RALGPS2: variants seen among roughly 807,000 people sequenced by gnomAD.
The protein encoded by RALGPS2 is Ral GEF with PH domain and SH3 binding motif 2.
In RALGPS2, 43 loss-of-function variants were observed where a neutral mutation model predicts 86.8. The observed-to-expected ratio is 0.50, with a 90% CI of 0.39 to 0.64. The LOEUF is 0.64. Ranked by LOEUF, RALGPS2 falls within the 30% of genes least tolerant of loss-of-function variation. The pLI is 0.00. For missense variants in RALGPS2, 536 were observed against 694.6 expected (o/e 0.77, Z 2.57); for synonymous variants, 243 against 231.3 (o/e 1.05, Z -0.46).
Position 178,921,343 on chromosome 1 carries a change from G to A in RALGPS2, c.*4984G>A, listed in dbSNP as rs1647296757. 6.6e-6 allele frequency: 1 copy of A among 151,850 alleles called. No homozygotes were observed. Among genetic ancestry groups the A allele is most frequent in the Admixed American group, 6.6e-5 (1 of 15,248 alleles). The allele number at this position is 151,850 out of a possible 1,614,324, so 9.4% of individuals were successfully genotyped here. ...CTTTAGATACCAGATAACAAATATT[G>A]TTTCCCCTGAAGATATGACCTACTA... On this transcript the variant is annotated 3_prime_UTR_variant, in exon 20 of 20. Coordinates refer to ENST00000367635, the MANE Select transcript of RALGPS2 (RefSeq NM_152663.5).
chr1:178,811,066 ATT>A (rs570312996), intron 5 of RALGPS2, among the ~76,000 whole-genome samples: 2 of 151,948 alleles, frequency 1.3e-5, no homozygotes, highest in African/African-American at 4.8e-5. Flanking sequence ...TTAGATATAT[ATT>A]TTTTTCTTTT....
At chr1:178,843,582 A>T (rs1361008325) in intron 8 of RALGPS2, among the ~76,000 whole-genome samples, 1 of 151,478 alleles carries the variant, frequency 6.6e-6, no homozygotes, top group Non-Finnish European at 1.5e-5. Context: ...GCAGTGCACC[A>T]ACATGGCGCA....
chr1:178,852,648 T>C (rs544426338), intron 8 of RALGPS2: 3 of 1,584,818 alleles, frequency 1.9e-6, no homozygotes, highest in Non-Finnish European at 2.6e-6. Context: ...TAGAAGGTGA[T>C]GATTCTACAA....
intron 15 of RALGPS2, 40 bp downstream of exon 15, chr1:178,892,347 A>G (rs768973216): frequency 3.2e-6 from 5 of 1,559,142 alleles, no homozygotes; most frequent in Non-Finnish European, 4.4e-6. Flanking sequence ...GAACTCCCTT[A>G]TGGTGTTGGT....
intron 4 of RALGPS2, among the ~76,000 whole-genome samples, chr1:178,807,218 C>G (rs963592229): frequency 6.6e-6 from 1 of 152,026 alleles, no homozygotes; most frequent in Non-Finnish European, 1.5e-5. Context: ...CACCTGTAGC[C>G]CCAGCTACTT....
intron 17 of RALGPS2, among the ~76,000 whole-genome samples, 193 bp downstream of exon 17, chr1:178,897,949 C>T (rs949389637): frequency 8.6e-5 from 13 of 151,952 alleles, no homozygotes; most frequent in Admixed American, 6.6e-4. Context: ...CTGCACATTA[C>T]GCTTATCTAT....
At chr1:178,763,934 A>G (rs904981381) in intron 1 of RALGPS2, among the ~76,000 whole-genome samples, 2 of 151,808 alleles carry the variant, frequency 1.3e-5, no homozygotes, top group Admixed American at 6.6e-5. Flanking sequence ...ATTTTAAAGT[A>G]TGTGCCTTGT....
intron 8 of RALGPS2, among the ~76,000 whole-genome samples, chr1:178,867,979 G>A (rs191006355): frequency 7.2e-4 from 109 of 152,012 alleles, no homozygotes; most frequent in Middle Eastern, 3.4e-3. Flanking sequence ...AAATATAGAT[G>A]GAGTATGGAG....
intron 16 of RALGPS2, among the ~76,000 whole-genome samples, chr1:178,896,245 C>A (rs924475278): frequency 1.3e-5 from 2 of 151,920 alleles, no homozygotes; most frequent in Non-Finnish European, 2.9e-5. Flanking sequence ...ATGGGCAAAA[C>A]AGAAGAAGTA....
chr1:178,834,548 G>T (rs1223574255), intron 8 of RALGPS2, among the ~76,000 whole-genome samples: 2 of 152,166 alleles, frequency 1.3e-5, no homozygotes, highest in African/African-American at 4.8e-5. Context: ...CCCTAGGATT[G>T]CAGAGAATGG....
At chr1:178,905,727 A>C (rs1380473234) in intron 18 of RALGPS2, among the ~76,000 whole-genome samples, 1 of 152,236 alleles carries the variant, frequency 6.6e-6, no homozygotes, top group African/African-American at 2.4e-5. Context: ...CCTATAGTAC[A>C]TGGATCCTTT....
At chr1:178,761,587 G>C (rs2102065786) in intron 1 of RALGPS2, among the ~76,000 whole-genome samples, 1 of 152,042 alleles carries the variant, frequency 6.6e-6, no homozygotes, top group African/African-American at 2.4e-5. Flanking sequence ...TTTAGGCAGA[G>C]TCTCACTCTT....
intron 1 of RALGPS2, among the ~76,000 whole-genome samples, chr1:178,770,800 T>C (rs1180197560): frequency 2.7e-5 from 4 of 150,110 alleles, no homozygotes; most frequent in Non-Finnish European, 5.9e-5. Flanking sequence ...TTAGTACTTC[T>C]GCGTTTCTTA....
chr1:178,752,424 A>G (rs1438436008), intron 1 of RALGPS2, among the ~76,000 whole-genome samples: 2 of 150,930 alleles, frequency 1.3e-5, no homozygotes, highest in African/African-American at 4.9e-5. Context: ...TCCCTCTCCC[A>G]AAGTGGTGAG....
chr1:178,794,559 G>C (rs1654102502), intron 4 of RALGPS2, among the ~76,000 whole-genome samples: 1 of 151,986 alleles, frequency 6.6e-6, no homozygotes, highest in Non-Finnish European at 1.5e-5. Flanking sequence ...TTAGATTTTT[G>C]TCTATTATAA....
At chr1:178,793,730 A>G (rs1413695675) in intron 4 of RALGPS2, among the ~76,000 whole-genome samples, 2 of 152,286 alleles carry the variant, frequency 1.3e-5, no homozygotes, top group East Asian at 1.9e-4. Context: ...ATAAATGACC[A>G]TTTCAAAACT....
intron 1 of RALGPS2, among the ~76,000 whole-genome samples, chr1:178,772,591 T>C (rs1652861642): frequency 6.6e-6 from 1 of 152,204 alleles, no homozygotes; most frequent in South Asian, 2.1e-4. Flanking sequence ...TGAAAGTCTC[T>C]CTTCTACAAG....
Position 178,877,604 on chromosome 1 carries a change from A to G in RALGPS2, c.714A>G (p.Ile238Met). Residue 238 changes from isoleucine (I) to methionine (M), a missense_variant, in exon 9 of 20, where the codon ATA becomes ATG. Physicochemically the swap from Ile to Met is conservative, Grantham distance 10. Around this residue, in one of 3 missense-constraint regions of RALGPS2, gnomAD observed 184 missense variants for 296.7 expected, o/e 0.62. Transcript: ENST00000367635. ...RSNLMNNILR[I>M]ISDLQQSCEY... is the part of the protein sequence containing the mutation. ...ATTTAATGAATAATATCCTTCGAAT[A>G]ATTTCTGATTTACAGCAGTCTTGTG... 1 of 1,613,400 alleles carries G rather than the reference A, an allele frequency of 6.2e-7. No homozygotes were observed. The highest frequency in any genetic ancestry group is 8.5e-7 in the Non-Finnish European group (1 of 1,179,528).
At chr1:178,789,565 G>A (rs1269135815) in intron 4 of RALGPS2, among the ~76,000 whole-genome samples, 1 of 152,210 alleles carries the variant, frequency 6.6e-6, no homozygotes, top group African/African-American at 2.4e-5. Context: ...TTTGGCTTTG[G>A]ACATACTTAT....
Sources: gnomAD v4.1 joint callset for allele counts (sites outside exome capture counted in the v4.1 genomes callset) on GRCh38, gnomAD v4.1.1 for gene constraint, gnomAD v4.1.1 regional missense constraint, MANE v1.5 for transcripts, NCBI Gene and HGNC (gene_info 2026-07-23, HGNC 2026-07-21) for gene names.